Variants in PTK7 observed in about 807,000 individuals in gnomAD.
The protein encoded by PTK7 is protein tyrosine kinase 7 (inactive), also known as inactive tyrosine-protein kinase 7.
PTK7 carries 39 observed loss-of-function variants against 116.6 expected under a neutral mutation model. The ratio of observed to expected loss-of-function variants is 0.33; its 90% CI spans 0.26 to 0.44. PTK7 has a LOEUF of 0.44. Ranked by LOEUF, PTK7 falls within the 20% of genes least tolerant of loss-of-function variation. The probability of loss-of-function intolerance (pLI) is 1.00; values close to 1 mark genes in which losing one functional copy is unlikely to be tolerated. For missense variants in PTK7, 1,169 were observed against 1,425.6 expected (o/e 0.82, Z 2.90); for synonymous variants, 546 against 563.6 (o/e 0.97, Z 0.44).
At chr6:43,117,293 G>A (rs1249117768) in intron 1 of PTK7, among the ~76,000 whole-genome samples, 1 of 152,216 alleles carries the variant, frequency 6.6e-6, no homozygotes, top group Admixed American at 6.5e-5. Flanking sequence ...TATGAACAAC[G>A]AGTAGGAAGC....
intron 6 of PTK7, 124 bp from the exon 7 acceptor site, chr6:43,132,297 G>A (rs1257460944): frequency 4.0e-6 from 6 of 1,496,814 alleles, no homozygotes; most frequent in Non-Finnish European, 4.5e-6. Flanking sequence ...AGTAGGAAGA[G>A]GATATGCAGA....
intron 17 of PTK7, among the ~76,000 whole-genome samples, chr6:43,148,256 G>C (rs1293599316): frequency 3.0e-5 from 4 of 131,784 alleles, no homozygotes; most frequent in African/African-American, 1.4e-4. Context: ...CTGTCTCAAA[G>C]GGAGGGGAGG....
intron 10 of PTK7, among the ~76,000 whole-genome samples, chr6:43,140,440 G>A (rs1433557587): frequency 2.8e-5 from 4 of 144,100 alleles, no homozygotes; most frequent in Middle Eastern, 3.4e-3. Context: ...GTGGCAGAGC[G>A]AGACTCCATC....
intron 1 of PTK7, among the ~76,000 whole-genome samples, chr6:43,102,199 C>A (rs773115936): frequency 6.6e-6 from 1 of 152,016 alleles, no homozygotes; most frequent in African/African-American, 2.4e-5. Context: ...CCGAGGTGGG[C>A]GGATCACCTG....
intron 17 of PTK7, among the ~76,000 whole-genome samples, chr6:43,152,699 T>C (rs1044457730): frequency 6.6e-6 from 1 of 152,178 alleles, no homozygotes; most frequent in African/African-American, 2.4e-5. Flanking sequence ...ACTTGGAATT[T>C]GGCTAGAGCA....
chr6:43,132,336 A>C (rs1014366138), intron 6 of PTK7, 85 bp from the exon 7 acceptor site: 4 of 1,511,296 alleles, frequency 2.6e-6, no homozygotes, highest in Non-Finnish European at 2.7e-6. Context: ...TGTGCTGGGA[A>C]AGGGCCTAGG....
At chr6:43,103,767 G>A (rs1000684323) in intron 1 of PTK7, among the ~76,000 whole-genome samples, 1 of 152,210 alleles carries the variant, frequency 6.6e-6, no homozygotes, top group Non-Finnish European at 1.5e-5. Context: ...CAGGGAAGGG[G>A]CACAGCTGTC....
At chr6:43,142,591 C>A in intron 13 of PTK7, 1 of 484,684 alleles carries the variant, frequency 2.1e-6, no homozygotes, top group Non-Finnish European at 3.9e-6. Context: ...CCACACATAT[C>A]TCTGGGTGGC....
intron 5 of PTK7, 135 bp from the exon 6 acceptor site, chr6:43,131,881 C>G: frequency 2.6e-5 from 31 of 1,215,260 alleles, no homozygotes; most frequent in Middle Eastern, 2.7e-4. Context: ...GGAGTGTCAG[C>G]TTCCTTCTCT....
At chr6:43,109,997 CTTTT>C (rs35351540) in intron 1 of PTK7, among the ~76,000 whole-genome samples, 1 of 109,606 alleles carries the variant, frequency 9.1e-6, no homozygotes. Flanking sequence ...CATGCCCGGC[CTTTT>C]TTTTTTTTTT....
At chr6:43,125,828 A>C (rs576198049) in intron 1 of PTK7, among the ~76,000 whole-genome samples, 1 of 152,316 alleles carries the variant, frequency 6.6e-6, no homozygotes, top group Admixed American at 6.5e-5. Context: ...GGTCAGACAC[A>C]CTGAGTGTAA....
At chr6:43,101,764 CGTT>C (rs2150391133) in intron 1 of PTK7, among the ~76,000 whole-genome samples, 1 of 152,168 alleles carries the variant, frequency 6.6e-6, no homozygotes, top group Non-Finnish European at 1.5e-5. Context: ...TACTTAGAAA[CGTT>C]GGTGTAAAAG....
intron 1 of PTK7, among the ~76,000 whole-genome samples, chr6:43,120,779 G>C (rs1768909435): frequency 1.3e-5 from 2 of 152,152 alleles, no homozygotes; most frequent in Non-Finnish European, 2.9e-5. Flanking sequence ...GGGAGGAGGT[G>C]GCGATTGACC....
rs1771834876 is a variant in PTK7 at position 43,161,366 on chromosome 6, A to T, written c.*485A>T. 1 of 160,960 alleles carries T rather than the reference A, an allele frequency of 6.2e-6. No individual in the cohort carries two copies. Among genetic ancestry groups the T allele is most frequent in the Non-Finnish European group, 1.4e-5 (1 of 72,780 alleles). 10.0% of individuals were successfully genotyped at this position (160,960 alleles called of 1,614,324 possible). A position where few individuals can be genotyped will look rare whatever the true frequency, so the allele number is the denominator to read the frequency against. ...GGGGTCTAGACCAGGATTATAGAGG[A>T]CACAGCAAGTGAGTCCTCCCCACTC... On this transcript the variant is annotated 3_prime_UTR_variant, in exon 20 of 20. Transcript: ENST00000230419.
In PTK7 at chr6:43,129,774, G is replaced by A. The variant is rs1390207053; in HGVS notation, c.415G>A (p.Glu139Lys). ...CCTGAAGCATCCAGCCTCGGAAGCTGAGATCCAGCCACAGACCCAGGTCAC... is the reference window on the plus strand; with the variant it reads ...CCTGAAGCATCCAGCCTCGGAAGCTAAGATCCAGCCACAGACCCAGGTCAC... ...VVLKHPASEA[E>K]IQPQTQVTLR... is the part of the protein sequence containing the mutation. The change falls in exon 3 of 20, where the codon GAG (glutamate) becomes AAG (lysine). Residue 139 changes from glutamate (E) to lysine (K), a missense_variant. By Grantham distance (56) the Glu-to-Lys change is moderately conservative. Transcript: ENST00000230419. The surrounding 1 kb of genome is among the most constrained non-coding windows in gnomAD (Gnocchi z 4.5). 1 of 1,614,118 alleles carries A rather than the reference G, an allele frequency of 6.2e-7. No homozygotes were observed. Among genetic ancestry groups the A allele is most frequent in the African/African-American group, 1.3e-5 (1 of 74,940 alleles).
chr6:43,127,263 C>T (rs182557956), intron 1 of PTK7, among the ~76,000 whole-genome samples: 34 of 152,258 alleles, frequency 2.2e-4, no homozygotes, highest in Non-Finnish European at 4.1e-4. Context: ...TTTCTTCTTC[C>T]GGGGGCGGGG....
intron 5 of PTK7, 78 bp from the exon 6 acceptor site, chr6:43,131,938 G>T (rs1769705895): frequency 3.2e-6 from 5 of 1,586,740 alleles, no homozygotes; most frequent in Non-Finnish European, 4.3e-6. Context: ...GACTTTGCAG[G>T]AAAGGGGTTC....
chr6:43,144,940 G>A lies in PTK7; in HGVS notation c.2408-260G>A, dbSNP rs747546163. 15 of 430,164 alleles carry A rather than the reference G, an allele frequency of 3.5e-5. No homozygotes were observed. The South Asian group carries it at 6.0e-4, about 17-fold the overall frequency. The allele number at this position is 430,164 out of a possible 1,614,324, so 26.6% of individuals were successfully genotyped here. A position where few individuals can be genotyped will look rare whatever the true frequency, so the allele number is the denominator to read the frequency against. On this transcript the variant is annotated intron_variant, in intron 15 of 19. Transcript: ENST00000230419. Reference sequence around the variant, plus strand: ...ATAGTTACGTTTTTTCCTAGCATACGTTAAGACATGTTTACCATGAGCCAC... The same window carrying A: ...ATAGTTACGTTTTTTCCTAGCATACATTAAGACATGTTTACCATGAGCCAC...
chr6:43,135,864 G>A (rs546246208), intron 7 of PTK7, among the ~76,000 whole-genome samples: 60 of 152,232 alleles, frequency 3.9e-4, no homozygotes, highest in Admixed American at 3.5e-3. Context: ...AGACCAGCCT[G>A]GCCAACATGG....
Sources: gnomAD v4.1 joint callset for allele counts (sites outside exome capture counted in the v4.1 genomes callset) on GRCh38, gnomAD v4.1.1 for gene constraint, Gnocchi (gnomAD v3.1) non-coding constraint, MANE v1.5 for transcripts, NCBI Gene and HGNC (gene_info 2026-07-23, HGNC 2026-07-21) for gene names.